Variants in DPP6 observed in about 807,000 individuals in gnomAD.
DPP6 encodes A-type potassium channel modulatory protein DPP6.
Under a neutral mutation model 122.6 loss-of-function variants are expected in DPP6, and 69 were observed. The ratio of observed to expected loss-of-function variants is 0.56; its 90% CI spans 0.46 to 0.69. The LOEUF (loss-of-function observed/expected upper bound fraction) is 0.69. DPP6 is among the 30% of genes least tolerant of loss of function. DPP6 has a pLI of 0.00. For missense variants in DPP6, 928 were observed against 1,116.9 expected, an observed-to-expected ratio of 0.83 and a Z score of 2.41; for synonymous variants, 418 against 433.1, an observed-to-expected ratio of 0.97 and a Z score of 0.43.
At chr7:154,216,219 A>G (rs1366071318) in intron 1 of DPP6, among the ~76,000 whole-genome samples, 7 of 152,008 alleles carry the variant, frequency 4.6e-5, no homozygotes, top group African/African-American at 1.7e-4. Context: ...AAACTCTGGG[A>G]AATCAGGGAC....
chr7:154,086,017 C>T (rs1398429406), intron 1 of DPP6, among the ~76,000 whole-genome samples: 5 of 151,940 alleles, frequency 3.3e-5, no homozygotes, highest in African/African-American at 4.8e-5. Context: ...TGAGCCACCG[C>T]ACCCAGCCAG....
chr7:154,435,930 T>G lies in DPP6; in HGVS notation c.244-10284T>G, dbSNP rs1563667360. The stretch of plus-strand genomic sequence containing the variant: ...TGTCGTTTATTTTCTCCCAATATTT[T>G]TTATAGTAGCTGTGTGAATATCTTA... On this transcript the variant is annotated intron_variant, in intron 1 of 25. Coordinates refer to ENST00000377770, the MANE Select transcript of DPP6 (RefSeq NM_130797.4). Among the ~76,000 whole-genome samples the G allele has an allele frequency of 2.0e-5, 3 of 152,188 alleles. 1 individual carries two copies. The highest frequency in any genetic ancestry group is 7.2e-5 in the African/African-American group (3 of 41,442).
chr7:154,137,171 T>C (rs916908568), intron 1 of DPP6, among the ~76,000 whole-genome samples: 2 of 152,192 alleles, frequency 1.3e-5, no homozygotes, highest in Admixed American at 6.5e-5. Flanking sequence ...GGATGTTTCT[T>C]AGGACTTCTT....
At chr7:154,413,060 T>C (rs769078207) in intron 1 of DPP6, among the ~76,000 whole-genome samples, 14 of 152,216 alleles carry the variant, frequency 9.2e-5, no homozygotes, top group Non-Finnish European at 1.2e-4. Context: ...CCAGCCCTCC[T>C]GAGGGAGAAC....
intron 2 of DPP6, among the ~76,000 whole-genome samples, chr7:154,461,018 C>T (rs965960562): frequency 6.6e-6 from 1 of 151,978 alleles, no homozygotes; most frequent in African/African-American, 2.4e-5. Flanking sequence ...CTACCCTTCC[C>T]AACCTCTGAT....
At chr7:154,077,437 A>G (rs1216539938) in intron 1 of DPP6, among the ~76,000 whole-genome samples, 2 of 152,074 alleles carry the variant, frequency 1.3e-5, no homozygotes, top group East Asian at 3.9e-4. Flanking sequence ...AGTTCTGTGG[A>G]TTTATTCCAA....
chr7:154,074,127 C>CTA (rs1319343832), intron 1 of DPP6, among the ~76,000 whole-genome samples: 13 of 143,288 alleles, frequency 9.1e-5, no homozygotes, highest in Non-Finnish European at 1.8e-4. Flanking sequence ...ATATAGATAT[C>CTA]TATATATATC....
chr7:154,246,030 ATTAAATC>A (rs566803912), intron 1 of DPP6, among the ~76,000 whole-genome samples: 139 of 152,348 alleles, frequency 9.1e-4, no homozygotes, highest in African/African-American at 3.2e-3. Context: ...TATAACAAGT[ATTAAATC>A]TTAAAGATTA....
At chr7:154,638,803 C>T (rs1288313216) in intron 6 of DPP6, among the ~76,000 whole-genome samples, 1 of 152,196 alleles carries the variant, frequency 6.6e-6, no homozygotes, top group Non-Finnish European at 1.5e-5. Context: ...ATTATTTCTT[C>T]GTCTCCTCTT....
chr7:154,352,109 G>T lies in DPP6; in HGVS notation c.244-94105G>T, dbSNP rs78933114. On this transcript the variant is annotated intron_variant, in intron 1 of 25. Transcript: ENST00000377770. ...CAGAGCTGCTTCCATAGGCGGACCT[G>T]GTCAGAGCTCAAGTGGAGGGGAAGC... Among the ~76,000 whole-genome samples, 1,244 of 152,184 alleles carry T rather than the reference G, an allele frequency of 8.2e-3. 6 individuals carry two copies. The highest frequency in any genetic ancestry group is 0.013 in the Non-Finnish European group (870 of 68,014).
intron 1 of DPP6, among the ~76,000 whole-genome samples, chr7:153,921,802 C>T (rs77353426): frequency 0.064 from 9,770 of 152,260 alleles, 323 homozygotes; most frequent in African/African-American, 0.08. Flanking sequence ...TCTTACCTTC[C>T]GCTGTTTCTT....
chr7:153,843,208 A>G, the DPP6 span, among the ~76,000 whole-genome samples: 4 of 151,870 alleles, frequency 2.6e-5, no homozygotes, highest in African/African-American at 7.3e-5. Context: ...ACACACGTGC[A>G]CACACACAAA....
At chr7:154,779,100 C>G (rs1310422517) in intron 10 of DPP6, among the ~76,000 whole-genome samples, 1 of 125,180 alleles carries the variant, frequency 8.0e-6, no homozygotes. Context: ...TCTACCACCA[C>G]CACCACCCCC....
intron 8 of DPP6, among the ~76,000 whole-genome samples, chr7:154,741,599 A>G (rs2131414294): frequency 6.6e-6 from 1 of 152,342 alleles, no homozygotes; most frequent in Non-Finnish European, 1.5e-5. Context: ...ATGCCTATAA[A>G]GTATTGGGAT....
intron 7 of DPP6, among the ~76,000 whole-genome samples, chr7:154,710,111 C>G (rs1841088069): frequency 1.3e-5 from 2 of 152,212 alleles, no homozygotes; most frequent in Admixed American, 1.3e-4. Flanking sequence ...CCTTCTCCCC[C>G]AGCACTGCTG....
chr7:154,063,170 C>A (rs1393037976), intron 1 of DPP6, among the ~76,000 whole-genome samples: 1 of 130,266 alleles, frequency 7.7e-6, no homozygotes, highest in Non-Finnish European at 1.7e-5. Context: ...CCTTTTCCGC[C>A]CCTGGCTGTT....
intron 16 of DPP6, among the ~76,000 whole-genome samples, chr7:154,852,639 G>A (rs541961472): frequency 6.6e-6 from 1 of 152,268 alleles, no homozygotes; most frequent in South Asian, 2.1e-4. Flanking sequence ...TCTCAATGCA[G>A]AAAACAACAG....
At chr7:154,287,324 G>A (rs1804921013) in intron 1 of DPP6, among the ~76,000 whole-genome samples, 1 of 152,194 alleles carries the variant, frequency 6.6e-6, no homozygotes, top group South Asian at 2.1e-4. Flanking sequence ...ACACTCAAAT[G>A]TTTTCTGTTT....
intron 7 of DPP6, among the ~76,000 whole-genome samples, chr7:154,687,248 AT>A (rs1479403137): frequency 6.6e-6 from 1 of 152,180 alleles, no homozygotes; most frequent in Non-Finnish European, 1.5e-5. Flanking sequence ...ATTAGCTGTA[AT>A]TGAGTCTTTT....
Sources: allele counts gnomAD v4.1 joint callset (sites outside exome capture counted in the v4.1 genomes callset), GRCh38; gene constraint gnomAD v4.1.1; transcripts MANE v1.5; gene names NCBI Gene and HGNC (gene_info 2026-07-23, HGNC 2026-07-21).